ADAMTSL1: variants seen among roughly 807,000 people sequenced by gnomAD.
The protein encoded by ADAMTSL1 is ADAMTS like 1, also known as ADAMTS-like protein 1.
A neutral mutation model predicts 201.8 loss-of-function variants in ADAMTSL1; 126 were observed. The ratio of observed to expected loss-of-function variants is 0.62; its 90% confidence interval spans 0.54 to 0.72. The LOEUF is 0.72. Ranked by LOEUF, ADAMTSL1 falls within the 30% of genes least tolerant of loss-of-function variation. The pLI, the probability that ADAMTSL1 is intolerant of heterozygous loss-of-function variation, is 0.00. For synonymous variants in ADAMTSL1, 1,121 were observed against 903.4 expected, an observed-to-expected ratio of 1.24 and a Z score of -4.32; for missense variants, 2,679 against 2,277.8, an observed-to-expected ratio of 1.18 and a Z score of -3.59.
At chr9:18,841,206 A>C (rs1372830090) in intron 23 of ADAMTSL1, among the ~76,000 whole-genome samples, 1 of 151,652 alleles carries the variant, frequency 6.6e-6, no homozygotes, top group African/African-American at 2.4e-5. Context: ...TTTGAGATAC[A>C]TCCCATTAAT....
At chr9:18,605,594 A>T (rs1824958546) in intron 4 of ADAMTSL1, among the ~76,000 whole-genome samples, 1 of 152,202 alleles carries the variant, frequency 6.6e-6, no homozygotes, top group Non-Finnish European at 1.5e-5. Flanking sequence ...GTGTAGGCCC[A>T]GAGACAGCAT....
chr9:18,120,808 C>T (rs1825463283), intron 1 of ADAMTSL1, among the ~76,000 whole-genome samples: 1 of 152,116 alleles, frequency 6.6e-6, no homozygotes, highest in South Asian at 2.1e-4. Flanking sequence ...TGTTTTTAGT[C>T]ATGTAATTTA....
chr9:18,429,654 C>T (rs1486971957), intron 2 of ADAMTSL1, among the ~76,000 whole-genome samples: 3 of 152,010 alleles, frequency 2.0e-5, no homozygotes, highest in South Asian at 2.1e-4. Context: ...AAATAATGCT[C>T]TTATTAATTT....
intron 2 of ADAMTSL1, among the ~76,000 whole-genome samples, chr9:18,282,060 A>C (rs1832811005): frequency 6.6e-6 from 1 of 152,120 alleles, no homozygotes; most frequent in Admixed American, 6.5e-5. Flanking sequence ...TACCCATTAC[A>C]CAAATAGTGG....
At chr9:18,818,789 C>CA (rs1425734756) in intron 21 of ADAMTSL1, among the ~76,000 whole-genome samples, 46 of 145,770 alleles carry the variant, frequency 3.2e-4, no homozygotes, top group Admixed American at 5.5e-4. Flanking sequence ...GACCCTATCT[C>CA]AAAAAAAAAA....
chr9:18,611,767 A>T (rs1277664068), intron 4 of ADAMTSL1, among the ~76,000 whole-genome samples: 1 of 152,214 alleles, frequency 6.6e-6, no homozygotes, highest in African/African-American at 2.4e-5. Flanking sequence ...AAGGACAGAA[A>T]TAGGACTCTT....
intron 3 of ADAMTSL1, among the ~76,000 whole-genome samples, chr9:18,556,188 C>T (rs1051653794): frequency 2.6e-5 from 4 of 151,754 alleles, no homozygotes; most frequent in Non-Finnish European, 5.9e-5. Context: ...AGTAATTGTC[C>T]ACTTTTCAAT....
intron 2 of ADAMTSL1, among the ~76,000 whole-genome samples, chr9:18,204,801 G>A (rs926962881): frequency 1.3e-5 from 2 of 152,040 alleles, no homozygotes; most frequent in Non-Finnish European, 2.9e-5. Flanking sequence ...GTTGCCCTGG[G>A]CAATAACTGT....
intron 2 of ADAMTSL1, among the ~76,000 whole-genome samples, chr9:18,252,473 T>C (rs1831501182): frequency 6.6e-6 from 1 of 152,146 alleles, no homozygotes; most frequent in Non-Finnish European, 1.5e-5. Flanking sequence ...TTTGCATAAA[T>C]CTACACATAT....
chr9:18,580,317 C>A (rs1347452613), intron 4 of ADAMTSL1, among the ~76,000 whole-genome samples: 1 of 152,010 alleles, frequency 6.6e-6, no homozygotes, highest in African/African-American at 2.4e-5. Flanking sequence ...TTTAATAATT[C>A]CTGTGGTGAG....
intron 1 of ADAMTSL1, among the ~76,000 whole-genome samples, chr9:18,095,823 G>C (rs1185772692): frequency 6.6e-6 from 1 of 152,142 alleles, no homozygotes; most frequent in Admixed American, 6.5e-5. Flanking sequence ...AGAAGCCCTG[G>C]TTTCTTTTAG....
chr9:18,733,869 TC>T (rs1232221106), intron 15 of ADAMTSL1, among the ~76,000 whole-genome samples: 3 of 151,370 alleles, frequency 2.0e-5, no homozygotes, highest in Non-Finnish European at 4.4e-5. Flanking sequence ...TCTTCTCACT[TC>T]CTTCAACTCT....
At chr9:18,408,290 G>A (rs894399613) in intron 2 of ADAMTSL1, among the ~76,000 whole-genome samples, 1 of 152,094 alleles carries the variant, frequency 6.6e-6, no homozygotes, top group African/African-American at 2.4e-5. Context: ...CCAACATGGT[G>A]AAACACTGTC....
intron 10 of ADAMTSL1, among the ~76,000 whole-genome samples, chr9:18,676,326 A>G (rs1830128116): frequency 6.6e-6 from 1 of 152,098 alleles, no homozygotes; most frequent in Non-Finnish European, 1.5e-5. Context: ...GGAATTCCAG[A>G]TGTGATATTA....
intron 1 of ADAMTSL1, among the ~76,000 whole-genome samples, chr9:17,996,163 TA>T (rs1819371954): frequency 1.6e-5 from 2 of 128,184 alleles, no homozygotes; most frequent in Admixed American, 8.2e-5. Context: ...AGAGTGTTTT[TA>T]ATTTTTTTTT....
At chr9:18,141,360 G>T (rs1826390697) in intron 1 of ADAMTSL1, among the ~76,000 whole-genome samples, 1 of 152,172 alleles carries the variant, frequency 6.6e-6, no homozygotes. Context: ...GAGGCTCTAA[G>T]AAAACAGCTC....
chr9:18,142,714 G>C (rs548611814), intron 1 of ADAMTSL1, among the ~76,000 whole-genome samples: 1 of 152,176 alleles, frequency 6.6e-6, no homozygotes, highest in Non-Finnish European at 1.5e-5. Context: ...AAAAAGGAGA[G>C]TGGCCTTTGA....
At chr9:18,885,687 A>T (rs1475955014) in intron 23 of ADAMTSL1, among the ~76,000 whole-genome samples, 1 of 152,154 alleles carries the variant, frequency 6.6e-6, no homozygotes, top group Non-Finnish European at 1.5e-5. Flanking sequence ...TTATCTTTTT[A>T]GAACCCTCCC....
At chr9:18,266,755 C>T (rs768804189) in intron 2 of ADAMTSL1, among the ~76,000 whole-genome samples, 3 of 152,086 alleles carry the variant, frequency 2.0e-5, no homozygotes, top group Non-Finnish European at 4.4e-5. Context: ...ACATGGCCAG[C>T]TTCTGACTCT....
Sources: allele counts gnomAD v4.1 joint callset (sites outside exome capture counted in the v4.1 genomes callset), GRCh38; gene constraint gnomAD v4.1.1; transcripts MANE v1.5; gene names NCBI Gene and HGNC (gene_info 2026-07-23, HGNC 2026-07-21).